Variants in KCNK13 observed in about 807,000 individuals in gnomAD.
The protein encoded by KCNK13 is potassium channel subfamily K member 13.
Under a neutral mutation model 23.4 loss-of-function variants are expected in KCNK13, and 12 were observed. The ratio of observed to expected loss-of-function variants is 0.51; its 90% CI spans 0.33 to 0.83. The LOEUF (loss-of-function observed/expected upper bound fraction) is 0.83, where lower values mean the gene tolerates loss of function less well. Ranked by LOEUF, KCNK13 falls within the 40% of genes least tolerant of loss-of-function variation. The pLI, the probability that KCNK13 is intolerant of heterozygous loss-of-function variation, is 0.02. For missense variants in KCNK13, 463 were observed against 556.3 expected, an observed-to-expected ratio of 0.83 and a Z score of 1.69; for synonymous variants, 231 against 229.5, an observed-to-expected ratio of 1.01 and a Z score of -0.06.
chr14:90,167,676 A>G (rs1302418073), intron 1 of KCNK13, among the ~76,000 whole-genome samples: 1 of 152,156 alleles, frequency 6.6e-6, no homozygotes, highest in Non-Finnish European at 1.5e-5. Flanking sequence ...GAGGCAGTCC[A>G]CCAAGCTAGC....
At chr14:90,099,077 T>G (rs1341921632) in intron 1 of KCNK13, among the ~76,000 whole-genome samples, 1 of 149,454 alleles carries the variant, frequency 6.7e-6, no homozygotes, top group East Asian at 2.0e-4. Flanking sequence ...TCTGTCTCTA[T>G]AAAAAAATTT....
intron 1 of KCNK13, among the ~76,000 whole-genome samples, chr14:90,064,943 C>T (rs1888990568): frequency 6.6e-6 from 1 of 152,116 alleles, no homozygotes; most frequent in Non-Finnish European, 1.5e-5. Flanking sequence ...TCAGCCAACA[C>T]AACTCCATGA....
At position 90,184,252 on chromosome 14, in the gene KCNK13, C is replaced by A; in HGVS notation, c.476C>A (p.Ser159Ter). 1 of 1,614,218 alleles carries A rather than the reference C, an allele frequency of 6.2e-7. No homozygotes were observed. The highest frequency in any genetic ancestry group is 8.5e-7 in the Non-Finnish European group (1 of 1,180,044). The change falls in exon 2 of 2, where the codon TCG becomes TAG. Residue 159 changes from serine to a stop codon, truncating the protein, a stop_gained. Coordinates refer to ENST00000282146, the MANE Select transcript of KCNK13 (RefSeq NM_022054.4). LOFTEE classifies it high-confidence loss of function. This position sits in a 1 kb window ranked among gnomAD's most constrained non-coding sequence, Gnocchi z 5.6. ...ACCATCATCGCCTACATCATGAAGT[C>A]GTGCCACCAGCGGCAGCTCCGGAGA... ...LITIIAYIMKSCHQRQLRRRG... is the reference protein window; with the variant it reads ...LITIIAYIMK
intron 1 of KCNK13, among the ~76,000 whole-genome samples, chr14:90,123,374 C>T (rs1301366644): frequency 1.3e-5 from 2 of 152,160 alleles, no homozygotes; most frequent in African/African-American, 4.8e-5. Context: ...ATGTGGTCTT[C>T]CCTCCGTGTG....
chr14:90,174,413 T>C (rs1288813298), intron 1 of KCNK13, among the ~76,000 whole-genome samples: 1 of 152,174 alleles, frequency 6.6e-6, no homozygotes, highest in Non-Finnish European at 1.5e-5. Flanking sequence ...CATGATCCAA[T>C]CACCTCCCAC....
chr14:90,161,122 G>C (rs1373723854), intron 1 of KCNK13, among the ~76,000 whole-genome samples: 1 of 152,100 alleles, frequency 6.6e-6, no homozygotes, highest in African/African-American at 2.4e-5. Flanking sequence ...CCATAAGAAG[G>C]AATGAAATTC....
At chr14:90,087,129 C>T (rs1220317566) in intron 1 of KCNK13, among the ~76,000 whole-genome samples, 7 of 124,706 alleles carry the variant, frequency 5.6e-5, no homozygotes, top group Non-Finnish European at 8.0e-5. Context: ...TATATATATA[C>T]ATATATATAT....
At chr14:90,135,190 C>T (rs142178506) in intron 1 of KCNK13, among the ~76,000 whole-genome samples, 2 of 152,104 alleles carry the variant, frequency 1.3e-5, no homozygotes, top group Admixed American at 1.3e-4. Flanking sequence ...GGGACTCATT[C>T]GAAAAGAAAA....
intron 1 of KCNK13, among the ~76,000 whole-genome samples, chr14:90,086,971 C>T (rs936051160): frequency 4.0e-5 from 6 of 151,822 alleles, no homozygotes; most frequent in African/African-American, 1.5e-4. Context: ...ATGAGCAGGG[C>T]CTGTAGCTTT....
At chr14:90,086,142 A>G (rs1212271961) in intron 1 of KCNK13, among the ~76,000 whole-genome samples, 3 of 152,088 alleles carry the variant, frequency 2.0e-5, no homozygotes, top group East Asian at 3.8e-4. Context: ...TCACTGTAGT[A>G]TTTAAATTTT....
chr14:90,164,561 A>G (rs1890282892), intron 1 of KCNK13, among the ~76,000 whole-genome samples: 1 of 152,228 alleles, frequency 6.6e-6, no homozygotes, highest in Admixed American at 6.5e-5. Flanking sequence ...AGTTACTGTC[A>G]TAGCAAATGT....
chr14:90,098,480 C>CA (rs2140404833), intron 1 of KCNK13, among the ~76,000 whole-genome samples: 1 of 152,250 alleles, frequency 6.6e-6, no homozygotes, highest in East Asian at 1.9e-4. Context: ...CATAGTGGCT[C>CA]ACGCCTGTAA....
rs1466899451 is a variant in KCNK13 at position 90,185,538 on chromosome 14, T to A, written c.*535T>A. 6.6e-6 allele frequency: 1 copy of A among 152,352 alleles called. No homozygotes were observed. The highest frequency in any genetic ancestry group is 2.1e-4 in the South Asian group (1 of 4,828). 9.4% of individuals were successfully genotyped at this position (152,352 alleles called of 1,614,324 possible). On this transcript the variant is annotated 3_prime_UTR_variant, in exon 2 of 2. Transcript: ENST00000282146. ...TGCATAGGGAAAATGTCTGTTGTAC[T>A]CTTTATACCTGTTTCTGTTTTTTGT...
At chr14:90,086,248 C>T (rs1157854933) in intron 1 of KCNK13, among the ~76,000 whole-genome samples, 1 of 152,046 alleles carries the variant, frequency 6.6e-6, no homozygotes, top group East Asian at 1.9e-4. Flanking sequence ...CTAACATATA[C>T]TATATTTTTC....
intron 1 of KCNK13, among the ~76,000 whole-genome samples, chr14:90,076,576 G>T (rs528322339): frequency 6.6e-6 from 1 of 152,150 alleles, no homozygotes; most frequent in East Asian, 1.9e-4. Flanking sequence ...ATGTCAGATT[G>T]TCCCTCAACC....
intron 1 of KCNK13, among the ~76,000 whole-genome samples, chr14:90,141,250 C>A (rs550341493): frequency 6.6e-6 from 1 of 152,220 alleles, no homozygotes; most frequent in African/African-American, 2.4e-5. Flanking sequence ...ATAGTATAAC[C>A]AGAGCTATTT....
chr14:90,117,693 G>GT (rs1889692896), intron 1 of KCNK13, among the ~76,000 whole-genome samples: 2 of 152,148 alleles, frequency 1.3e-5, no homozygotes, highest in South Asian at 2.1e-4. Flanking sequence ...AAAACCTTAC[G>GT]TAAGGGGGGA....
intron 1 of KCNK13, among the ~76,000 whole-genome samples, chr14:90,071,567 A>T (rs952918132): frequency 6.6e-6 from 1 of 152,170 alleles, no homozygotes; most frequent in Non-Finnish European, 1.5e-5. Flanking sequence ...TTCTCTCAGC[A>T]TATTTCCTGG....
intron 1 of KCNK13, among the ~76,000 whole-genome samples, chr14:90,101,808 A>AAAAAAAAAAAAAAC (rs1889483476): frequency 6.8e-6 from 1 of 146,162 alleles, no homozygotes; most frequent in South Asian, 2.2e-4. Flanking sequence ...AAAAAAAAAA[A>AAAAAAAAAAAAAAC]AAAACCTCAC....
Sources: gnomAD v4.1 joint callset for allele counts (sites outside exome capture counted in the v4.1 genomes callset) on GRCh38, gnomAD v4.1.1 for gene constraint, Gnocchi (gnomAD v3.1) non-coding constraint, MANE v1.5 for transcripts, NCBI Gene and HGNC (gene_info 2026-07-23, HGNC 2026-07-21) for gene names.